RARB: variants seen among roughly 807,000 people sequenced by gnomAD.
The protein encoded by RARB is HBV-activated protein.
A neutral mutation model predicts 51.9 loss-of-function variants in RARB; 17 were observed. The ratio of observed to expected loss-of-function variants is 0.33; its 90% confidence interval spans 0.22 to 0.49. The LOEUF (loss-of-function observed/expected upper bound fraction) is 0.49, where lower values mean the gene tolerates loss of function less well. Among genes scored for constraint, RARB ranks in the 20% least tolerant of loss-of-function variants. The probability of loss-of-function intolerance (pLI) is 0.99; values close to 1 mark genes in which losing one functional copy is unlikely to be tolerated. For missense variants in RARB, 369 were observed against 550.8 expected (o/e 0.67, Z 3.30); for synonymous variants, 215 against 195.4 (o/e 1.10, Z -0.84).
intron 7 of RARB, 101 bp downstream of exon 7, chr3:25,594,779 T>C: frequency 8.7e-7 from 1 of 1,145,352 alleles, no homozygotes; most frequent in Non-Finnish European, 1.1e-6. Context: ...TGGCTGCTTT[T>C]AAAGTCTTGG....
intron 2 of RARB, among the ~76,000 whole-genome samples, chr3:25,055,033 T>G (rs1698408663): frequency 6.6e-6 from 1 of 152,178 alleles, no homozygotes; most frequent in South Asian, 2.1e-4. Flanking sequence ...CTTCGTGTAT[T>G]AGAAAATTGT....
intron 5 of RARB, among the ~76,000 whole-genome samples, chr3:25,307,231 C>CA (rs1216952122): frequency 1.3e-5 from 2 of 151,874 alleles, no homozygotes; most frequent in Admixed American, 6.6e-5. Context: ...ACTAAAAATA[C>CA]AAAAAATTAG....
intron 3 of RARB, among the ~76,000 whole-genome samples, chr3:25,503,461 C>T (rs1246988035): frequency 1.3e-5 from 2 of 152,140 alleles, no homozygotes; most frequent in African/African-American, 4.8e-5. Flanking sequence ...TTCCTGCTTA[C>T]ATTACTTAAA....
rs577505244 is a variant in RARB, at chr3:25,293,651, T to C, written c.178+119076T>C. ...GATAGGAAGCAGCTGTCTATGACAA[T>C]AACTAATCCCATTTTCCTAAAACCA... is the stretch of plus-strand genomic sequence containing the variant. On this transcript the variant is annotated intron_variant, in intron 5 of 11. Transcript: ENST00000383772. 3.5e-5 allele frequency among the ~76,000 whole-genome samples: 4 copies of C among 114,424 alleles called. No homozygotes were observed. In the South Asian group the frequency reaches 1.3e-3, roughly 36 times the overall value. The allele number at this position is 114,424 out of a possible 152,430, so 75.1% of individuals were successfully genotyped here. A position where few individuals can be genotyped will look rare whatever the true frequency, so the allele number is the denominator to read the frequency against.
intron 1 of RARB, among the ~76,000 whole-genome samples, chr3:24,849,495 T>C (rs187380944): frequency 6.6e-6 from 1 of 152,326 alleles, no homozygotes; most frequent in African/African-American, 2.4e-5. Context: ...CCTGTGAGCC[T>C]CTGGTTACAA....
In RARB at chr3:25,537,695, C is replaced by T. The variant is rs142896687; in HGVS notation, c.449-32063C>T. Reference sequence around the variant, plus strand: ...TGGGCCCAACTCTGAATCATGATGCCGTTTGATTTACGACTCTCTTCTTGA... The same window carrying T: ...TGGGCCCAACTCTGAATCATGATGCTGTTTGATTTACGACTCTCTTCTTGA... On this transcript the variant is annotated intron_variant, in intron 3 of 7. Coordinates refer to ENST00000330688, the MANE Select transcript of RARB (RefSeq NM_000965.5). 5.5e-3 allele frequency among the ~76,000 whole-genome samples: 844 copies of T among 152,250 alleles called. 2 individuals carry two copies. Among genetic ancestry groups the T allele is most frequent in the Middle Eastern group, 0.02 (6 of 294 alleles).
At chr3:25,303,629 C>A (rs1020049262) in intron 5 of RARB, among the ~76,000 whole-genome samples, 1 of 152,122 alleles carries the variant, frequency 6.6e-6, no homozygotes, top group Non-Finnish European at 1.5e-5. Context: ...AAAATGAATT[C>A]TTTTCTGCAT....
chr3:24,995,700 T>G (rs556130728), intron 2 of RARB, among the ~76,000 whole-genome samples: 1 of 152,232 alleles, frequency 6.6e-6, no homozygotes, highest in African/African-American at 2.4e-5. Context: ...TCTATCAAAC[T>G]TTTTCTACAT....
chr3:25,155,142 G>T (rs964133911), intron 4 of RARB, among the ~76,000 whole-genome samples: 1 of 151,868 alleles, frequency 6.6e-6, no homozygotes, highest in African/African-American at 2.4e-5. Context: ...ATGAAATATT[G>T]CTTCCCCAAT....
At chr3:25,513,730 A>T (rs997744129) in intron 3 of RARB, among the ~76,000 whole-genome samples, 1 of 150,280 alleles carries the variant, frequency 6.7e-6, no homozygotes, top group African/African-American at 2.5e-5. Flanking sequence ...ATTATTTTGT[A>T]TACCACTAAA....
chr3:24,937,854 A>AT (rs1300685984), intron 2 of RARB, among the ~76,000 whole-genome samples: 8 of 152,116 alleles, frequency 5.3e-5, no homozygotes, highest in Admixed American at 4.6e-4. Flanking sequence ...CCAAATCTAG[A>AT]TTTTTTGTTT....
intron 2 of RARB, among the ~76,000 whole-genome samples, chr3:25,030,613 A>G (rs575088875): frequency 6.6e-6 from 1 of 152,310 alleles, no homozygotes; most frequent in African/African-American, 2.4e-5. Context: ...GGGGTCTAGA[A>G]AAGTTCAGCT....
intron 5 of RARB, among the ~76,000 whole-genome samples, chr3:25,361,237 A>G (rs1343313338): frequency 1.3e-5 from 2 of 152,046 alleles, no homozygotes; most frequent in East Asian, 1.9e-4. Flanking sequence ...TTGATCTTCA[A>G]TCTCTGATAT....
At chr3:25,552,470 C>T (rs749026939) in intron 3 of RARB, among the ~76,000 whole-genome samples, 3 of 151,446 alleles carry the variant, frequency 2.0e-5, no homozygotes, top group South Asian at 2.1e-4. Context: ...TGGTAAGGGG[C>T]GGGGGGAACA....
chr3:25,324,387 T>G (rs1326073022), intron 5 of RARB: 1 of 159,270 alleles, frequency 6.3e-6, no homozygotes, highest in African/African-American at 2.4e-5. Flanking sequence ...GTCAAGATGC[T>G]GCCAGACAAA....
chr3:25,217,502 C>A lies in RARB; in HGVS notation c.178+42927C>A, dbSNP rs113481619. On this transcript the variant is annotated intron_variant, in intron 5 of 11. Transcript: ENST00000383772. ...CATGAAAAGGCCTACTCCCACCCCC[C>A]CCAATTCTGATCCTTGAAAGTTGTA... Among the ~76,000 whole-genome samples the A allele has an allele frequency of 5.4e-3, 822 of 152,146 alleles. 14 individuals are homozygous for A. Among genetic ancestry groups the A allele is most frequent in the African/African-American group, 0.017 (724 of 41,496 alleles).
At chr3:24,874,657 TC>T (rs35878675) in intron 2 of RARB, among the ~76,000 whole-genome samples, 1 of 152,034 alleles carries the variant, frequency 6.6e-6, no homozygotes, top group Non-Finnish European at 1.5e-5. Context: ...ATTTTCTACT[TC>T]CAATTTTATT....
intron 2 of RARB, among the ~76,000 whole-genome samples, chr3:25,492,858 C>A (rs1696811841): frequency 6.6e-6 from 1 of 152,110 alleles, no homozygotes; most frequent in African/African-American, 2.4e-5. Context: ...CAGTGAAAGA[C>A]CAGAAGATAC....
At chr3:24,993,762 A>C (rs971643317) in intron 2 of RARB, among the ~76,000 whole-genome samples, 4 of 152,012 alleles carry the variant, frequency 2.6e-5, no homozygotes, top group Non-Finnish European at 5.9e-5. Context: ...GTGGTATTTA[A>C]CTCTCTGTTC....
Sources: allele counts gnomAD v4.1 joint callset (sites outside exome capture counted in the v4.1 genomes callset), GRCh38; gene constraint gnomAD v4.1.1; transcripts MANE v1.5; gene names NCBI Gene and HGNC (gene_info 2026-07-23, HGNC 2026-07-21).